Variants in WDR41 observed in about 807,000 individuals in gnomAD.
WDR41 encodes the protein WD repeat-containing protein 41.
WDR41 carries 63 observed loss-of-function variants against 69.3 expected under a neutral mutation model. The ratio of observed to expected loss-of-function variants is 0.91; its 90% CI spans 0.74 to 1.12. The LOEUF is 1.12. Ranked by LOEUF, WDR41 falls within the 50% of genes most tolerant of loss-of-function variation. The probability of loss-of-function intolerance (pLI) is 0.00; values close to 1 mark genes in which losing one functional copy is unlikely to be tolerated. For synonymous variants in WDR41, 185 were observed against 192.1 expected (o/e 0.96, Z 0.31); for missense variants, 543 against 534.5 (o/e 1.02, Z -0.16).
intron 4 of WDR41, among the ~76,000 whole-genome samples, chr5:77,459,635 C>T (rs1366059186): frequency 1.3e-5 from 2 of 152,178 alleles, no homozygotes; most frequent in East Asian, 3.8e-4. Flanking sequence ...TCTCATAAAA[C>T]ATCCAAGTTC....
At chr5:77,551,413 C>T (rs1056325475) in intron 1 of WDR41, among the ~76,000 whole-genome samples, 5 of 152,144 alleles carry the variant, frequency 3.3e-5, no homozygotes, top group African/African-American at 1.2e-4. Context: ...TGTGGTGGCT[C>T]ATGCCTGTAA....
At chr5:77,581,418 A>C (rs1008767974) in intron 1 of WDR41, among the ~76,000 whole-genome samples, 1 of 152,246 alleles carries the variant, frequency 6.6e-6, no homozygotes, top group Non-Finnish European at 1.5e-5. Flanking sequence ...GGAGGTTTCA[A>C]TATCCCACTT....
At chr5:77,458,627 C>T (rs890794968) in intron 5 of WDR41, among the ~76,000 whole-genome samples, 3 of 152,116 alleles carry the variant, frequency 2.0e-5, no homozygotes, top group African/African-American at 7.2e-5. Flanking sequence ...GCAAATTAGC[C>T]AGGTAAGATT....
intron 1 of WDR41, among the ~76,000 whole-genome samples, chr5:77,524,852 C>T (rs1329944466): frequency 6.6e-6 from 1 of 152,224 alleles, no homozygotes; most frequent in East Asian, 1.9e-4. Flanking sequence ...TCTCAGAAAT[C>T]TCAAGGTCTA....
intron 3 of WDR41, among the ~76,000 whole-genome samples, chr5:77,464,444 G>T (rs1274727232): frequency 6.6e-6 from 1 of 151,526 alleles, no homozygotes; most frequent in East Asian, 1.9e-4. Context: ...ACGGGGTCTT[G>T]CTATGTTGGC....
At chr5:77,521,803 G>T (rs1392738630) in intron 1 of WDR41, among the ~76,000 whole-genome samples, 1 of 151,996 alleles carries the variant, frequency 6.6e-6, no homozygotes, top group Non-Finnish European at 1.5e-5. Flanking sequence ...CCCCAGAAGG[G>T]TATATTACCT....
intron 1 of WDR41, among the ~76,000 whole-genome samples, chr5:77,502,999 A>G (rs1561208328): frequency 6.6e-6 from 1 of 152,174 alleles, no homozygotes; most frequent in East Asian, 1.9e-4. Context: ...ATGATGGATC[A>G]TATTCACACA....
intron 1 of WDR41, among the ~76,000 whole-genome samples, chr5:77,591,661 T>G (rs1381619074): frequency 6.6e-6 from 1 of 152,170 alleles, no homozygotes; most frequent in Admixed American, 6.5e-5. Context: ...ACCCTTAAGT[T>G]ATACAGAAAA....
At chr5:77,447,927 G>A (rs1799453267) in intron 8 of WDR41, among the ~76,000 whole-genome samples, 1 of 152,174 alleles carries the variant, frequency 6.6e-6, no homozygotes, top group South Asian at 2.1e-4. Context: ...AAGTGCATGA[G>A]GCTTTCTGTA....
chr5:77,452,947 C>T (rs1304479110), intron 6 of WDR41: 1 of 152,074 alleles, frequency 6.6e-6, no homozygotes, highest in African/African-American at 2.4e-5. Flanking sequence ...AACATAAAGA[C>T]ACATAATTCA....
chr5:77,588,857 A>G (rs2112304139), intron 1 of WDR41, among the ~76,000 whole-genome samples: 1 of 152,348 alleles, frequency 6.6e-6, no homozygotes, highest in African/African-American at 2.4e-5. Context: ...ACAGCACTGT[A>G]TGCCTAAAAG....
chr5:77,464,613 T>C, intron 3 of WDR41, 148 bp downstream of exon 3: 2 of 794,148 alleles, frequency 2.5e-6, no homozygotes, highest in Non-Finnish European at 3.9e-6. Flanking sequence ...CCACTGTATA[T>C]GGATTTATCC....
intron 2 of WDR41, among the ~76,000 whole-genome samples, chr5:77,488,017 C>T (rs1277305037): frequency 6.6e-6 from 1 of 152,090 alleles, no homozygotes; most frequent in South Asian, 2.1e-4. Flanking sequence ...CTCATTTGGC[C>T]GGTCCTAATT....
Position 77,580,374 on chromosome 5 carries a change from T to C in WDR41, c.42+40105A>G, listed in dbSNP as rs1743913847. Among the ~76,000 whole-genome samples the C allele has an allele frequency of 2.6e-5, 4 of 152,090 alleles. 1 individual carries two copies. In the South Asian group the frequency reaches 8.3e-4, roughly 32 times the overall value. On this transcript the variant is annotated intron_variant, in intron 1 of 5. Transcript: ENST00000509971. The stretch of plus-strand genomic sequence containing the variant: ...CCCCTTATAAAACCATCAGATTTCA[T>C]ACGAACTCACTCACTATCTCAAGAA...
At chr5:77,436,589 T>C (rs1002380475) in intron 11 of WDR41, among the ~76,000 whole-genome samples, 195 bp from the exon 12 acceptor site, 4 of 152,216 alleles carry the variant, frequency 2.6e-5, no homozygotes, top group African/African-American at 9.7e-5. Flanking sequence ...CTGTTCTTCA[T>C]CTCTTTTTAT....
At chr5:77,457,718 AT>A (rs2151314504) in intron 5 of WDR41, among the ~76,000 whole-genome samples, 1 of 151,248 alleles carries the variant, frequency 6.6e-6, no homozygotes, top group South Asian at 2.1e-4. Context: ...AAAATAAATG[AT>A]AGTATTTCTC....
At chr5:77,545,623 TC>T in intron 1 of WDR41, 1 of 385,494 alleles carries the variant, frequency 2.6e-6, no homozygotes, top group Non-Finnish European at 4.7e-6. Flanking sequence ...CTATCTCTTC[TC>T]CCTGCCCATC....
intron 1 of WDR41, among the ~76,000 whole-genome samples, chr5:77,516,464 A>C (rs1392041024): frequency 6.6e-6 from 1 of 152,228 alleles, no homozygotes; most frequent in African/African-American, 2.4e-5. Flanking sequence ...TTGAGAATAG[A>C]TTTAGCTGCA....
At chr5:77,541,834 A>C (rs568020404) in intron 1 of WDR41, among the ~76,000 whole-genome samples, 11 of 152,354 alleles carry the variant, frequency 7.2e-5, no homozygotes, top group African/African-American at 2.4e-4. Flanking sequence ...AGTATATATT[A>C]GTTCAACCAT....
Sources: allele counts gnomAD v4.1 joint callset (sites outside exome capture counted in the v4.1 genomes callset), GRCh38; gene constraint gnomAD v4.1.1; transcripts MANE v1.5; gene names NCBI Gene and HGNC (gene_info 2026-07-23, HGNC 2026-07-21).